HELZ2: variants seen among roughly 807,000 people sequenced by gnomAD.
HELZ2 encodes helicase with zinc finger 2, also known as 3'-5' exoribonuclease HELZ2.
HELZ2 carries 143 observed loss-of-function variants against 208.8 expected under a neutral mutation model. The ratio of observed to expected loss-of-function variants is 0.68; its 90% CI spans 0.60 to 0.79. The LOEUF (loss-of-function observed/expected upper bound fraction) is 0.79, where lower values mean the gene tolerates loss of function less well. Ranked by LOEUF, HELZ2 falls within the 30% of genes least tolerant of loss-of-function variation. The probability of loss-of-function intolerance (pLI) is 0.00; values close to 1 mark genes in which losing one functional copy is unlikely to be tolerated. For synonymous variants in HELZ2, 1,705 were observed against 1,693.7 expected, an observed-to-expected ratio of 1.01 and a Z score of -0.16; for missense variants, 3,690 against 3,794.5, an observed-to-expected ratio of 0.97 and a Z score of 0.72.
At chr20:63,565,695 C>T (rs1409350821) in exon 8 of HELZ2, 5 of 1,608,496 alleles carry the variant, frequency 3.1e-6, no homozygotes, top group Middle Eastern at 1.6e-4. Context: ...GCAGCAGCCG[C>T]TCCTGCCGCA....
chr20:63,564,965 A>G (rs1199039239), exon 8 of HELZ2: 2 of 1,603,374 alleles, frequency 1.2e-6, no homozygotes, highest in East Asian at 4.5e-5. Context: ...CTCAGGCAGC[A>G]CCTCCCGGAC....
intron 16 of HELZ2, 64 bp from the exon 18 acceptor site, chr20:63,560,391 C>T: frequency 6.3e-7 from 1 of 1,580,562 alleles, no homozygotes; most frequent in South Asian, 1.1e-5. Flanking sequence ...TCCAGGAAGC[C>T]CTCCCTGACT....
exon 8 of HELZ2, chr20:63,564,973 G>T (rs1425022791): frequency 1.1e-5 from 18 of 1,605,066 alleles, no homozygotes; most frequent in Non-Finnish European, 1.5e-5. Context: ...GCACCTCCCG[G>T]ACGATGCCCA....
chr20:63,563,484 C>G (rs759205450), exon 8 of HELZ2: 2 of 1,513,226 alleles, frequency 1.3e-6, no homozygotes, highest in Non-Finnish European at 1.8e-6. Context: ...TGGGGGTGCT[C>G]GGCCAGCTGC....
In HELZ2 at chr20:63,566,003, CTG is replaced by C; in HGVS notation, c.2817_2818del (p.His939GlnfsTer64). ...CATGGACAGGCCCTCGGGGCAGACA[CTG>C]TGCCGCTCCACGCACTCACGGATGA... On this transcript the variant is annotated frameshift_variant, in exon 8 of 19. Coordinates refer to ENST00000467148, the Ensembl canonical transcript of HELZ2. LOFTEE classifies it high-confidence loss of function. 6.3e-7 allele frequency: 1 copy of C among 1,597,322 alleles called. No individual in the cohort carries two copies. Among genetic ancestry groups the C allele is most frequent in the Non-Finnish European group, 8.5e-7 (1 of 1,178,268 alleles).
chr20:63,567,081 C>A, exon 6 of HELZ2: 1 of 1,612,194 alleles, frequency 6.2e-7, no homozygotes. Flanking sequence ...TGCCCTTGGC[C>A]ACGTAGAAGT....
chr20:63,567,284 G>A, exon 6 of HELZ2: 1 of 1,609,846 alleles, frequency 6.2e-7, no homozygotes, highest in East Asian at 2.2e-5. Context: ...TCGCCCGCCA[G>A]CACGAGGCGG....
rs1334101494 is a variant in HELZ2, at chr20:63,570,618, G to T, written c.463-7C>A. ...CATCAAGGGTCTCTGCCAGCTGCGT[G>T]GAAGTCTAGCCTTCAGCAAGAGGCC... is the stretch of plus-strand genomic sequence containing the variant. On this transcript the variant is annotated splice_polypyrimidine_tract_variant and splice_region_variant and intron_variant, in intron 2 of 18. Transcript: ENST00000467148. 6.2e-7 allele frequency: 1 copy of T among 1,605,938 alleles called. No homozygotes were observed. Among genetic ancestry groups the T allele is most frequent in the Admixed American group, 1.7e-5 (1 of 59,824 alleles).
intron 7 of HELZ2, 24 bp from the exon 9 acceptor site, chr20:63,566,255 C>A (rs2082955888): frequency 1.3e-6 from 2 of 1,491,270 alleles, no homozygotes; most frequent in Non-Finnish European, 1.8e-6. Context: ...GCAGTCAGGT[C>A]AGGCTGGGTG....
At chr20:63,566,513 G>A (rs1299791935) in intron 6 of HELZ2, 60 bp from the exon 8 acceptor site, 3 of 1,338,726 alleles carry the variant, frequency 2.2e-6, no homozygotes, top group Non-Finnish European at 2.0e-6. Flanking sequence ...GGCCACCCCC[G>A]ACAAGGAGAG....
chr20:63,561,500 C>T lies in HELZ2; in HGVS notation c.6837-34G>A. The T allele has an allele frequency of 1.9e-6, 3 of 1,585,584 alleles. No homozygotes were observed. The South Asian group carries it at 3.5e-5, about 18-fold the overall frequency. ...CAGGACACAGTGAGCCCTGTCCACG[C>T]AGGGCCATCACGGGGGCAGAGCTCA... is the stretch of plus-strand genomic sequence containing the variant. On this transcript the variant is annotated intron_variant, in intron 12 of 18. Transcript: ENST00000467148.
rs116472664 is a variant in HELZ2, at chr20:63,565,077, G to A, written c.3745C>T (p.Arg1249Cys). Residue 1249 changes from arginine (R) to cysteine (C), a missense_variant, in exon 8 of 19, where the codon CGT becomes TGT. Arg to Cys is a radical substitution (Grantham distance 180). Transcript: ENST00000467148. ...GCGGTGAGCCTCTCAAGCCCCACAC[G>A]CTGCAGCCGGCCCTTCCGGAGGCTG... The A allele has an allele frequency of 1.3e-4, 198 of 1,561,718 alleles. No individual in the cohort carries two copies. The East Asian group carries it at 3.3e-3, about 26-fold the overall frequency.
chr20:63,565,711 C>A (rs1192693870), exon 8 of HELZ2: 4 of 1,607,184 alleles, frequency 2.5e-6, no homozygotes, highest in African/African-American at 1.3e-5. Context: ...CCGCACAGGC[C>A]CCGGGCACCA....
At chr20:63,559,071 G>A (rs2082846621), downstream of HELZ2, 2 of 683,546 alleles carry the variant, frequency 2.9e-6, no homozygotes, top group Non-Finnish European at 4.7e-6. Context: ...GCAAGAGTGT[G>A]GGGACCGGCC....
In HELZ2 at chr20:63,563,789, T is replaced by A; in HGVS notation, c.5033A>T (p.Tyr1678Phe). The change falls in exon 8 of 19, where the codon TAC becomes TTC. Residue 1678 changes from tyrosine (Y) to phenylalanine (F), a missense_variant. By Grantham distance (22) the Tyr-to-Phe change is conservative (BLOSUM62 3). This residue lies in a region of HELZ2 where 2,564 missense variants were observed against 2,580.5 expected (regional missense o/e 0.99). Coordinates refer to ENST00000467148, the Ensembl canonical transcript of HELZ2. ...CTGCCGCTGCAACACCACGTCCAGG[T>A]ACCTGCGGATGGGCGAGGTGGCCCA... The A allele has an allele frequency of 1.9e-6, 3 of 1,603,886 alleles. No homozygotes were observed. The South Asian group carries it at 3.3e-5, about 18-fold the overall frequency.
rs749723870 is a variant in HELZ2 at position 63,564,986 on chromosome 20, G to A, written c.3836C>T (p.Pro1279Leu). The stretch of plus-strand genomic sequence containing the variant: ...CAGCACCTCCCGGACGATGCCCAGC[G>A]GGTAGTAGAAGCCTTGCCGCCACAG... Residue 1279 changes from proline to leucine, a missense_variant, in exon 8 of 19, where the codon CCG (proline) becomes CTG (leucine). By Grantham distance (98) the Pro-to-Leu change is moderately conservative. Around this residue, in one of 3 missense-constraint regions of HELZ2, gnomAD observed 2,564 missense variants for 2,580.5 expected, o/e 0.99. Transcript: ENST00000467148. 18 of 1,601,966 alleles carry A rather than the reference G, an allele frequency of 1.1e-5. No homozygotes were observed. The highest frequency in any genetic ancestry group is 6.7e-5 in the East Asian group (3 of 44,450).
intron 4 of HELZ2, 72 bp downstream of exon 5, chr20:63,569,076 C>T (rs2082992983): frequency 6.3e-7 from 1 of 1,586,606 alleles, no homozygotes; most frequent in South Asian, 1.1e-5. Flanking sequence ...CCATCCGCTC[C>T]CGTTGCCCCA....
chr20:63,565,533 T>C (rs1255445711), exon 8 of HELZ2: 1 of 1,606,152 alleles, frequency 6.2e-7, no homozygotes, highest in Non-Finnish European at 8.5e-7. Context: ...CTGGCGACAG[T>C]GTCCAGCAGC....
chr20:63,571,059 C>A, intron 1 of HELZ2, 191 bp from the exon 3 acceptor site: 1 of 546,972 alleles, frequency 1.8e-6, no homozygotes, highest in Non-Finnish European at 3.2e-6. Context: ...TTATCCGGGT[C>A]CTCAGAGGCC....
Sources: allele counts gnomAD v4.1 joint callset, GRCh38; gene constraint gnomAD v4.1.1; regional missense constraint gnomAD v4.1.1; transcripts MANE v1.5; gene names NCBI Gene and HGNC (gene_info 2026-07-23, HGNC 2026-07-21).